Variants in KDM6A observed in about 807,000 individuals in gnomAD.
The protein encoded by KDM6A is lysine demethylase 6A, also known as lysine-specific demethylase 6A.
In KDM6A, 11 loss-of-function variants were observed where a neutral mutation model predicts 117.6. The ratio of observed to expected loss-of-function variants is 0.09; its 90% CI spans 0.06 to 0.15. The LOEUF is 0.15. Ranked by LOEUF, KDM6A falls within the 10% of genes least tolerant of loss-of-function variation. The pLI is 1.00. For synonymous variants in KDM6A, 384 were observed against 396.1 expected (o/e 0.97, Z 0.36); for missense variants, 799 against 1,077.3 (o/e 0.74, Z 3.62).
At chrX:45,041,579 G>A (rs1386710547) in intron 8 of KDM6A, among the ~76,000 whole-genome samples, 1 of 111,587 alleles carries the variant, frequency 9.0e-6, no homozygotes. Context: ...CTCAGACGGG[G>A]CGGCTGGGCA....
intron 2 of KDM6A, among the ~76,000 whole-genome samples, chrX:44,914,572 A>C (rs995098732): frequency 4.5e-5 from 5 of 111,000 alleles, no homozygotes; most frequent in Non-Finnish European, 9.4e-5. Flanking sequence ...TAGGTTGTGG[A>C]TTCTAGGTAT....
intron 2 of KDM6A, among the ~76,000 whole-genome samples, chrX:44,896,794 GTGT>G (rs1232388649): frequency 1.8e-5 from 2 of 109,792 alleles, no homozygotes; most frequent in African/African-American, 3.3e-5. Context: ...TACTTGACAA[GTGT>G]TGTGCTATTT....
At chrX:44,922,002 A>G in intron 2 of KDM6A, among the ~76,000 whole-genome samples, 1 of 58,826 alleles carries the variant, frequency 1.7e-5, no homozygotes, top group Non-Finnish European at 3.3e-5. Context: ...TGATAAGTGT[A>G]TGCTGATAAA....
intron 2 of KDM6A, among the ~76,000 whole-genome samples, chrX:44,923,738 T>G (rs370762094): frequency 9.4e-6 from 1 of 106,613 alleles, no homozygotes; most frequent in African/African-American, 3.4e-5. Context: ...TTGATTGATT[T>G]AAGACAGTCA....
chrX:44,976,424 C>T (rs762087453), intron 4 of KDM6A, among the ~76,000 whole-genome samples: 2 of 110,627 alleles, frequency 1.8e-5, no homozygotes, highest in Non-Finnish European at 1.9e-5. Context: ...TTTCAGGACC[C>T]CTCATGGATA....
intron 20 of KDM6A, 142 bp downstream of exon 20, chrX:45,078,647 T>C: frequency 2.1e-6 from 1 of 470,093 alleles, no homozygotes; most frequent in Non-Finnish European, 3.5e-6. Context: ...TTTTTTTTAG[T>C]ACTAAGAATG....
Position 44,988,944 on chromosome X carries a change from G to A in KDM6A, c.384+14229G>A, listed in dbSNP as rs1282458315. On this transcript the variant is annotated intron_variant, in intron 4 of 29. Transcript: ENST00000611820. The stretch of plus-strand genomic sequence containing the variant: ...TGCTGTCTTCAAAGCTGTCAGACAG[G>A]GACATCTAAGTCTGCAGAGGATTCT... 5.5e-5 allele frequency among the ~76,000 whole-genome samples: 6 copies of A among 109,936 alleles called. 1 individual carries two copies. In the East Asian group the frequency reaches 1.4e-3, roughly 26 times the overall value.
At chrX:44,997,463 C>G (rs1377643878) in intron 4 of KDM6A, among the ~76,000 whole-genome samples, 1 of 111,598 alleles carries the variant, frequency 9.0e-6, no homozygotes, top group Non-Finnish European at 1.9e-5. Context: ...GATGTCCAGC[C>G]ACTTGTCTTC....
intron 2 of KDM6A, among the ~76,000 whole-genome samples, chrX:44,917,247 G>T (rs1480808114): frequency 9.1e-6 from 1 of 110,276 alleles, no homozygotes; most frequent in African/African-American, 3.3e-5. Flanking sequence ...GGCTGGTCTC[G>T]AACTCTTGAC....
intron 2 of KDM6A, among the ~76,000 whole-genome samples, chrX:44,923,538 CTTTTTTTTTT>C (rs142581355): frequency 2.8e-4 from 9 of 32,196 alleles, no homozygotes; most frequent in Non-Finnish European, 4.3e-4. Flanking sequence ...ATCTTCTCTG[CTTTTTTTTTT>C]TTTTTTTTTT....
chrX:45,111,304 C>A (rs1013745270), intron 29 of KDM6A, 78 bp from the exon 30 acceptor site: 159 of 845,197 alleles, frequency 1.9e-4, no homozygotes, highest in Non-Finnish European at 2.7e-4. Flanking sequence ...CCTAACTTCA[C>A]AAGCAGACTA....
chrX:45,069,892 G>T lies in KDM6A; in HGVS notation c.2393G>T (p.Gly798Val), dbSNP rs759962818. Residue 798 changes from glycine (G) to valine (V), a missense_variant, in exon 18 of 30, where the codon GGA becomes GTA. This residue lies in a region of KDM6A where 301 missense variants were observed against 318.3 expected (regional missense o/e 0.95). Transcript: ENST00000611820. ...ETPNSTASVE[G>V]LPNHVHQMTA... Reference sequence around the variant, plus strand: ...CCTAACAGCACTGCCAGTGTCGAGGGACTTCCTAATCATGTCCATCAGATG... The same window carrying T: ...CCTAACAGCACTGCCAGTGTCGAGGTACTTCCTAATCATGTCCATCAGATG... The T allele has an allele frequency of 8.3e-7, 1 of 1,211,529 alleles. No individual in the cohort carries two copies. The highest frequency in any genetic ancestry group is 1.1e-6 in the Non-Finnish European group (1 of 895,234).
At chrX:45,103,015 C>T (rs765222429) in intron 27 of KDM6A, among the ~76,000 whole-genome samples, 16 of 110,538 alleles carry the variant, frequency 1.4e-4, no homozygotes, top group East Asian at 2.8e-4. Context: ...TCTTGGTGTT[C>T]GTTAAGTTAT....
intron 8 of KDM6A, among the ~76,000 whole-genome samples, chrX:45,039,695 A>T (rs1245482718): frequency 1.3e-5 from 1 of 75,323 alleles, no homozygotes; most frequent in African/African-American, 4.9e-5. Flanking sequence ...ACTTAAGATT[A>T]GGGAGTGGTG....
At chrX:45,006,368 T>C (rs1389484373) in intron 4 of KDM6A, among the ~76,000 whole-genome samples, 1 of 109,621 alleles carries the variant, frequency 9.1e-6, no homozygotes, top group African/African-American at 3.3e-5. Flanking sequence ...GAAATAGCAC[T>C]CGAATATAAA....
chrX:45,012,040 G>A (rs917121341), intron 5 of KDM6A, among the ~76,000 whole-genome samples: 4 of 110,204 alleles, frequency 3.6e-5, no homozygotes, highest in Non-Finnish European at 7.6e-5. Flanking sequence ...TCCCACCTCA[G>A]CCTCCCAAAG....
chrX:44,953,349 T>G (rs764677388), intron 2 of KDM6A, among the ~76,000 whole-genome samples: 6 of 111,488 alleles, frequency 5.4e-5, no homozygotes, highest in Non-Finnish European at 9.4e-5. Flanking sequence ...TTGGGCAGAA[T>G]TTAATCACCA....
chrX:44,890,723 C>T (rs1483656808), intron 2 of KDM6A, among the ~76,000 whole-genome samples: 1 of 90,406 alleles, frequency 1.1e-5, no homozygotes, highest in African/African-American at 4.3e-5. Flanking sequence ...GGCGCGATCT[C>T]GGCTCACTGC....
chrX:45,069,435 C>A, intron 17 of KDM6A, 144 bp from the exon 18 acceptor site: 1 of 556,890 alleles, frequency 1.8e-6, no homozygotes, highest in Non-Finnish European at 2.8e-6. Flanking sequence ...GTTGCAGGTA[C>A]TTTTTGATAA....
Sources: gnomAD v4.1 joint callset for allele counts (sites outside exome capture counted in the v4.1 genomes callset) on GRCh38, gnomAD v4.1.1 for gene constraint, gnomAD v4.1.1 regional missense constraint, MANE v1.5 for transcripts, NCBI Gene and HGNC (gene_info 2026-07-23, HGNC 2026-07-21) for gene names.